Variants in HSPA12A observed in about 807,000 individuals in gnomAD.
HSPA12A encodes the protein heat shock protein family A (Hsp70) member 12A, also known as heat shock 70 kDa protein 12A.
A neutral mutation model predicts 69.2 loss-of-function variants in HSPA12A; 28 were observed. The ratio of observed to expected loss-of-function variants is 0.40; its 90% confidence interval spans 0.30 to 0.55. The LOEUF is 0.55. Among genes scored for constraint, HSPA12A ranks in the 20% least tolerant of loss-of-function variants. The probability of loss-of-function intolerance (pLI) is 0.38; values close to 1 mark genes in which losing one functional copy is unlikely to be tolerated. For missense variants in HSPA12A, 686 were observed against 900.7 expected, an observed-to-expected ratio of 0.76 and a Z score of 3.05; for synonymous variants, 345 against 370.5, an observed-to-expected ratio of 0.93 and a Z score of 0.79.
chr10:116,736,004 T>A (rs954408455), intron 1 of HSPA12A, among the ~76,000 whole-genome samples: 22 of 152,144 alleles, frequency 1.4e-4, no homozygotes, highest in Non-Finnish European at 2.6e-4. Context: ...TTAAAATAAA[T>A]TTTTTTAAAA....
rs879576839 is a variant in HSPA12A, at chr10:116,808,739, T to TAAAG, written c.91+26195_91+26196insCTTT. The stretch of plus-strand genomic sequence containing the variant: ...AATCACAGTTGAAGAGTCCCTCCTT[T>TAAAG]GAGGGACAGAGAGCCTTTCAGATCC... On this transcript the variant is annotated intron_variant, in intron 2 of 12. Coordinates refer to the HSPA12A transcript ENST00000635765. Among the ~76,000 whole-genome samples, 272 of 152,288 alleles carry TAAAG rather than the reference T, an allele frequency of 1.8e-3. 1 individual carries two copies. The highest frequency in any genetic ancestry group is 0.014 in the Middle Eastern group (4 of 292).
At chr10:116,823,348 T>C (rs1845439635) in intron 2 of HSPA12A, among the ~76,000 whole-genome samples, 1 of 152,206 alleles carries the variant, frequency 6.6e-6, no homozygotes, top group African/African-American at 2.4e-5. Flanking sequence ...AGATTTTTAA[T>C]ACCATTAAAA....
chr10:116,697,826 G>A (rs1216131012), intron 5 of HSPA12A, among the ~76,000 whole-genome samples: 1 of 150,842 alleles, frequency 6.6e-6, no homozygotes, highest in Non-Finnish European at 1.5e-5. Flanking sequence ...TTCAGCAGTC[G>A]CTCCTATTCC....
intron 1 of HSPA12A, among the ~76,000 whole-genome samples, chr10:116,726,887 C>T (rs1554885107): frequency 6.6e-6 from 1 of 152,206 alleles, no homozygotes. Flanking sequence ...CACTAACTAA[C>T]GTGCCGATGA....
intron 2 of HSPA12A, among the ~76,000 whole-genome samples, chr10:116,757,575 CAG>C: frequency 6.6e-6 from 1 of 152,294 alleles, no homozygotes; most frequent in Middle Eastern, 3.4e-3. Flanking sequence ...CACCTGGAGA[CAG>C]AATGTCTTTC....
At position 116,679,638 on chromosome 10, in the gene HSPA12A, A is replaced by G. The variant is rs1412217192; in HGVS notation, c.1151T>C (p.Ile384Thr). Residue 384 changes from isoleucine (I) to threonine (T), a missense_variant, in exon 10 of 12, where the codon ATT (isoleucine) becomes ACT (threonine). Coordinates refer to ENST00000369209, the MANE Select transcript of HSPA12A (RefSeq NM_025015.3). ...KRPAAWVDLM[I>T]AFESRKRAAA... The stretch of plus-strand genomic sequence containing the variant: ...CGCCCTTTTGCGAGACTCAAACGCA[A>G]TCATTAAGTCAACCCAGGCTGCAGG... The G allele has an allele frequency of 1.9e-6, 3 of 1,614,258 alleles. No homozygotes were observed. The highest frequency in any genetic ancestry group is 2.5e-6 in the Non-Finnish European group (3 of 1,180,044).
intron 2 of HSPA12A, among the ~76,000 whole-genome samples, chr10:116,784,470 T>C (rs1258668040): frequency 2.6e-5 from 4 of 152,240 alleles, no homozygotes; most frequent in Non-Finnish European, 4.4e-5. Context: ...AAGAAGTTCA[T>C]CTGTCCTGTT....
At chr10:116,797,877 T>A (rs1844865203) in intron 2 of HSPA12A, among the ~76,000 whole-genome samples, 1 of 152,064 alleles carries the variant, frequency 6.6e-6, no homozygotes, top group Admixed American at 6.5e-5. Context: ...TAAGGACTGA[T>A]GGTGGGGAAG....
chr10:116,836,477 G>A (rs1468884550), intron 1 of HSPA12A, among the ~76,000 whole-genome samples: 1 of 152,128 alleles, frequency 6.6e-6, no homozygotes, highest in Non-Finnish European at 1.5e-5. Flanking sequence ...GATCGCTTTG[G>A]TTCCTTTCTG....
chr10:116,699,453 GC>G (rs1850015964), intron 4 of HSPA12A, among the ~76,000 whole-genome samples: 1 of 151,812 alleles, frequency 6.6e-6, no homozygotes, highest in Non-Finnish European at 1.5e-5. Context: ...TCAGGAGGAA[GC>G]CCCCAGGTCT....
intron 10 of HSPA12A, among the ~76,000 whole-genome samples, chr10:116,678,348 C>CAA (rs55780024): frequency 0.21 from 11,762 of 56,262 alleles, 2,028 homozygotes; most frequent in Non-Finnish European, 0.22. Flanking sequence ...TGCCAACTTG[C>CAA]AAAAAAAAAA....
At position 116,681,163 on chromosome 10, in the gene HSPA12A, T is replaced by C. The variant is rs576256006; in HGVS notation, c.1016A>G (p.Tyr339Cys). ...RLPEGHLKELYKATGGPYGSL... is the reference protein window; with the variant it reads ...RLPEGHLKELCKATGGPYGSL... ...CTGCAGGGCCTCACCTGTTGCTTTA[T>C]ACAGTTCCTTAAGGTGTCCCTCCGG... is the stretch of plus-strand genomic sequence containing the variant. The change falls in exon 9 of 12, where the codon TAT becomes TGT. Residue 339 changes from tyrosine (Y) to cysteine (C), a missense_variant. Physicochemically the swap from Tyr to Cys is radical, Grantham distance 194. Coordinates refer to ENST00000369209, the MANE Select transcript of HSPA12A (RefSeq NM_025015.3). 4.3e-6 allele frequency: 7 copies of C among 1,613,290 alleles called. No individual in the cohort carries two copies. In the South Asian group the frequency reaches 4.4e-5, roughly 10 times the overall value.
Position 116,683,936 on chromosome 10 carries a change from C to A in HSPA12A, c.690G>T (p.Ser230=), listed in dbSNP as rs367858782. 3.8e-6 allele frequency: 6 copies of A among 1,581,816 alleles called. No homozygotes were observed. The South Asian group carries it at 6.7e-5, about 18-fold the overall frequency. ...YQAGLASPEN[S]EQLIIALEPE... is the part of the protein sequence containing the mutation. Reference sequence around the variant, plus strand: ...GCTCCAAGGCAATGATGAGCTGCTCCGAGTTCTCGGGGGAGGCCAGGCCTG... The same window carrying A: ...GCTCCAAGGCAATGATGAGCTGCTCAGAGTTCTCGGGGGAGGCCAGGCCTG... The change falls in exon 7 of 12, where the codon TCG becomes TCT. Residue 230 remains serine, a synonymous_variant. Transcript: ENST00000369209.
At chr10:116,755,194 T>C (rs1843807569) in intron 2 of HSPA12A, among the ~76,000 whole-genome samples, 2 of 152,176 alleles carry the variant, frequency 1.3e-5, no homozygotes, top group Non-Finnish European at 2.9e-5. Flanking sequence ...CTCAAGTGAT[T>C]CACTCGTCTT....
At chr10:116,734,448 TAAAAA>T (rs34843566) in intron 1 of HSPA12A, among the ~76,000 whole-genome samples, 1 of 101,432 alleles carries the variant, frequency 9.9e-6, no homozygotes, top group Non-Finnish European at 1.9e-5. Flanking sequence ...AGACTCTGTC[TAAAAA>T]AAAAAAAAAA....
At chr10:116,814,233 T>A (rs1193858590) in intron 2 of HSPA12A, among the ~76,000 whole-genome samples, 1 of 152,126 alleles carries the variant, frequency 6.6e-6, no homozygotes, top group Non-Finnish European at 1.5e-5. Flanking sequence ...GATCACTGAA[T>A]CAATAGAAAA....
chr10:116,675,891 A>G lies in HSPA12A; in HGVS notation c.1391-473T>C, dbSNP rs549697884. Among the ~76,000 whole-genome samples, 3 of 152,334 alleles carry G rather than the reference A, an allele frequency of 2.0e-5. No homozygotes were observed. In the East Asian group the frequency reaches 5.8e-4, roughly 29 times the overall value. ...TATGTGTCCCTGGGTACTGCCACCA[A>G]TGTAGCAGGAAAATGACATAGCCAG... On this transcript the variant is annotated intron_variant, in intron 11 of 11. Transcript: ENST00000369209. The surrounding 1 kb of genome is among the most constrained non-coding windows in gnomAD (Gnocchi z 5.2).
intron 1 of HSPA12A, among the ~76,000 whole-genome samples, chr10:116,715,182 C>T (rs1850568224): frequency 6.6e-6 from 1 of 152,180 alleles, no homozygotes; most frequent in Non-Finnish European, 1.5e-5. Flanking sequence ...ATGGTCTCAC[C>T]CCCAGAGTTT....
chr10:116,758,841 A>T (rs112356693), intron 2 of HSPA12A, among the ~76,000 whole-genome samples: 15 of 152,102 alleles, frequency 9.9e-5, no homozygotes, highest in Non-Finnish European at 1.9e-4. Flanking sequence ...AGATGAGTAG[A>T]AAATAGAAAA....
Sources: allele counts gnomAD v4.1 joint callset (sites outside exome capture counted in the v4.1 genomes callset), GRCh38; gene constraint gnomAD v4.1.1; non-coding constraint Gnocchi (gnomAD v3.1); transcripts MANE v1.5; gene names NCBI Gene and HGNC (gene_info 2026-07-23, HGNC 2026-07-21).